TASP1: variants seen among roughly 807,000 people sequenced by gnomAD.
TASP1 encodes the protein taspase 1.
Under a neutral mutation model 56.6 loss-of-function variants are expected in TASP1, and 16 were observed. The ratio of observed to expected loss-of-function variants is 0.28; its 90% confidence interval spans 0.19 to 0.43. The LOEUF is 0.43. Among genes scored for constraint, TASP1 ranks in the 20% least tolerant of loss-of-function variants. TASP1 has a pLI of 1.00. For synonymous variants in TASP1, 179 were observed against 184.2 expected (o/e 0.97, Z 0.23); for missense variants, 393 against 511.6 (o/e 0.77, Z 2.24).
chr20:13,606,349 T>C (rs986941403), intron 4 of TASP1, among the ~76,000 whole-genome samples: 6 of 152,116 alleles, frequency 3.9e-5, no homozygotes, highest in Non-Finnish European at 1.5e-5. Context: ...TATCAGAGAG[T>C]GCTCCCCTTA....
At chr20:13,545,900 T>A (rs2045791885) in intron 8 of TASP1, among the ~76,000 whole-genome samples, 1 of 152,194 alleles carries the variant, frequency 6.6e-6, no homozygotes, top group Admixed American at 6.6e-5. Context: ...TTATCCAACA[T>A]CCAGCTTAAA....
the TASP1 span, among the ~76,000 whole-genome samples, chr20:13,288,372 A>G: frequency 6.6e-6 from 1 of 152,198 alleles, no homozygotes; most frequent in Non-Finnish European, 1.5e-5. Flanking sequence ...GCTGATCCCT[A>G]AATGAGCCCT....
chr20:13,458,451 G>A (rs546644692), intron 11 of TASP1, among the ~76,000 whole-genome samples: 2 of 152,136 alleles, frequency 1.3e-5, no homozygotes, highest in African/African-American at 2.4e-5. Flanking sequence ...GGGTTCAAAT[G>A]ATTCTCCTGC....
chr20:13,432,094 A>G (rs2042829851), intron 12 of TASP1, among the ~76,000 whole-genome samples: 1 of 152,238 alleles, frequency 6.6e-6, no homozygotes, highest in African/African-American at 2.4e-5. Context: ...AACTTTCCTC[A>G]ACTTATATAG....
chr20:13,605,996 G>A (rs959255849), intron 4 of TASP1, among the ~76,000 whole-genome samples: 2 of 152,038 alleles, frequency 1.3e-5, no homozygotes, highest in African/African-American at 4.8e-5. Context: ...CCCACACTGC[G>A]ATTCTGAGCA....
the TASP1 span, among the ~76,000 whole-genome samples, chr20:13,321,147 A>C: frequency 6.6e-6 from 1 of 150,798 alleles, no homozygotes; most frequent in Non-Finnish European, 1.5e-5. Context: ...GGTTTCCGTG[A>C]GCTGAGATCA....
At chr20:13,526,341 C>T (rs2044976960) in intron 10 of TASP1, among the ~76,000 whole-genome samples, 1 of 152,120 alleles carries the variant, frequency 6.6e-6, no homozygotes, top group African/African-American at 2.4e-5. Context: ...TCTTATAATA[C>T]ATGATTCCAA....
At chr20:13,336,570 A>C in the TASP1 span, among the ~76,000 whole-genome samples, 1 of 152,240 alleles carries the variant, frequency 6.6e-6, no homozygotes, top group African/African-American at 2.4e-5. Flanking sequence ...AGCCTGAGGC[A>C]GTATAACATT....
At chr20:13,490,335 A>C (rs958462543) in intron 10 of TASP1, among the ~76,000 whole-genome samples, 45 of 152,188 alleles carry the variant, frequency 3.0e-4, no homozygotes, top group African/African-American at 1.1e-3. Flanking sequence ...CTAAAGAATG[A>C]CCACTTCCCT....
chr20:13,365,473 A>G, the TASP1 span, among the ~76,000 whole-genome samples: 29 of 152,368 alleles, frequency 1.9e-4, no homozygotes, highest in Admixed American at 2.6e-4. Flanking sequence ...CACTGAGTAT[A>G]TTTCAGCTTG....
At chr20:13,486,434 T>G (rs1381511202) in intron 10 of TASP1, among the ~76,000 whole-genome samples, 1 of 152,096 alleles carries the variant, frequency 6.6e-6, no homozygotes, top group African/African-American at 2.4e-5. Flanking sequence ...AAACACATAA[T>G]AAATTCATAA....
At chr20:13,170,780 G>C in the TASP1 span, among the ~76,000 whole-genome samples, 1 of 152,134 alleles carries the variant, frequency 6.6e-6, no homozygotes, top group Non-Finnish European at 1.5e-5. Context: ...TCATCACATC[G>C]TGCTCTTACT....
At chr20:13,581,966 T>C (rs2047141917) in intron 5 of TASP1, among the ~76,000 whole-genome samples, 1 of 152,104 alleles carries the variant, frequency 6.6e-6, no homozygotes, top group South Asian at 2.1e-4. Context: ...ATCACTAATA[T>C]ACGCCTGCCT....
At chr20:13,340,964 G>C in the TASP1 span, among the ~76,000 whole-genome samples, 1 of 152,216 alleles carries the variant, frequency 6.6e-6, no homozygotes. Context: ...TTAAATTCAA[G>C]TATTGTGACT....
chr20:13,538,996 C>T (rs2045521464), intron 8 of TASP1, among the ~76,000 whole-genome samples: 2 of 152,014 alleles, frequency 1.3e-5, no homozygotes, highest in African/African-American at 4.8e-5. Context: ...TGCAGTGAGC[C>T]GAGATCACGC....
At chr20:13,444,659 C>T (rs1295888974) in intron 11 of TASP1, among the ~76,000 whole-genome samples, 1 of 152,188 alleles carries the variant, frequency 6.6e-6, no homozygotes, top group East Asian at 1.9e-4. Flanking sequence ...TCTCCATCGT[C>T]CTATAAGATG....
At chr20:13,580,235 C>A (rs1455422398) in intron 6 of TASP1, among the ~76,000 whole-genome samples, 1 of 152,134 alleles carries the variant, frequency 6.6e-6, no homozygotes, top group Non-Finnish European at 1.5e-5. Context: ...TTGCTTGAGT[C>A]CAGGAGTTTG....
the TASP1 span, among the ~76,000 whole-genome samples, chr20:13,135,962 T>C: frequency 6.6e-6 from 1 of 152,170 alleles, no homozygotes; most frequent in Non-Finnish European, 1.5e-5. Context: ...ACCAGTAATG[T>C]CGGAAAGGGA....
the TASP1 span, among the ~76,000 whole-genome samples, chr20:13,317,455 G>A: frequency 4.6e-5 from 7 of 152,124 alleles, no homozygotes; most frequent in Middle Eastern, 3.4e-3. Flanking sequence ...AAAGTGTATA[G>A]GGAGAGATAA....
Sources: allele counts gnomAD v4.1 joint callset (sites outside exome capture counted in the v4.1 genomes callset), GRCh38; gene constraint gnomAD v4.1.1; transcripts MANE v1.5; gene names NCBI Gene and HGNC (gene_info 2026-07-23, HGNC 2026-07-21).